Variants in ZDHHC14 observed in about 807,000 individuals in gnomAD.
ZDHHC14 encodes the protein palmitoyltransferase ZDHHC14.
ZDHHC14 carries 16 observed loss-of-function variants against 47.7 expected under a neutral mutation model. That is an observed-to-expected ratio of 0.34 (90% CI 0.23 to 0.51). The LOEUF is 0.51. Among genes scored for constraint, ZDHHC14 ranks in the 20% least tolerant of loss-of-function variants. ZDHHC14 has a pLI of 0.97. For synonymous variants in ZDHHC14, 293 were observed against 278.9 expected (o/e 1.05, Z -0.50); for missense variants, 515 against 662.5 (o/e 0.78, Z 2.44).
chr6:157,486,645 G>A (rs1779785078), intron 1 of ZDHHC14, among the ~76,000 whole-genome samples: 1 of 152,176 alleles, frequency 6.6e-6, no homozygotes, highest in East Asian at 1.9e-4. Context: ...CCTGTGAACA[G>A]GGTGGCAGAG....
At chr6:157,465,105 C>CTTTTTT (rs772080368) in intron 1 of ZDHHC14, among the ~76,000 whole-genome samples, 1 of 102,010 alleles carries the variant, frequency 9.8e-6, no homozygotes, top group Non-Finnish European at 1.9e-5. Flanking sequence ...TCTCTTTCTC[C>CTTTTTT]TTTTTTTTTT....
chr6:157,621,219 T>A (rs957716532), intron 3 of ZDHHC14, among the ~76,000 whole-genome samples: 1 of 152,172 alleles, frequency 6.6e-6, no homozygotes. Flanking sequence ...ATTGCATAAT[T>A]TTATGAATTA....
chr6:157,488,751 T>C (rs1779840108), intron 1 of ZDHHC14, among the ~76,000 whole-genome samples: 1 of 152,214 alleles, frequency 6.6e-6, no homozygotes, highest in African/African-American at 2.4e-5. Flanking sequence ...GTAGGGCTGA[T>C]TGGACCTCAC....
chr6:157,541,804 A>G (rs1297498067), intron 1 of ZDHHC14, among the ~76,000 whole-genome samples: 1 of 152,116 alleles, frequency 6.6e-6, no homozygotes, highest in East Asian at 1.9e-4. Context: ...TGTAGAGTTT[A>G]GTCTGTCCCA....
intron 1 of ZDHHC14, among the ~76,000 whole-genome samples, chr6:157,528,392 G>A (rs1274172083): frequency 2.0e-5 from 3 of 152,118 alleles, no homozygotes; most frequent in Non-Finnish European, 4.4e-5. Context: ...AAAAGCACAA[G>A]TAGATGAAGA....
intron 1 of ZDHHC14, among the ~76,000 whole-genome samples, chr6:157,465,304 T>C (rs933062103): frequency 6.6e-6 from 1 of 152,136 alleles, no homozygotes; most frequent in Non-Finnish European, 1.5e-5. Flanking sequence ...AGGTGCCTAC[T>C]CTGAAACTAA....
chr6:157,419,365 A>G (rs1778051730), intron 1 of ZDHHC14, among the ~76,000 whole-genome samples: 1 of 152,248 alleles, frequency 6.6e-6, no homozygotes, highest in Non-Finnish European at 1.5e-5. Flanking sequence ...CATATCAGAA[A>G]GGCTATTTTG....
At chr6:157,547,130 G>C (rs549656978) in intron 2 of ZDHHC14, among the ~76,000 whole-genome samples, 1 of 152,206 alleles carries the variant, frequency 6.6e-6, no homozygotes, top group African/African-American at 2.4e-5. Flanking sequence ...TGTTGCTGAC[G>C]AGGTAGAATG....
intron 1 of ZDHHC14, among the ~76,000 whole-genome samples, chr6:157,540,908 GTGTATATA>G (rs1781726928): frequency 7.6e-6 from 1 of 131,536 alleles, no homozygotes; most frequent in African/African-American, 3.8e-5. Flanking sequence ...GTGTGTGTGT[GTGTATATA>G]TATATATATA....
intron 1 of ZDHHC14, among the ~76,000 whole-genome samples, chr6:157,484,306 C>CATAT (rs1042050871): frequency 1.3e-4 from 12 of 90,180 alleles, no homozygotes; most frequent in Non-Finnish European, 1.6e-4. Context: ...TATATATATA[C>CATAT]ATATATATAC....
chr6:157,439,722 C>A (rs1778524960), intron 1 of ZDHHC14, among the ~76,000 whole-genome samples: 1 of 152,118 alleles, frequency 6.6e-6, no homozygotes, highest in African/African-American at 2.4e-5. Context: ...ATATTCATTG[C>A]AGCACTATTC....
rs772117512 is a variant in ZDHHC14, at chr6:157,463,056, G to T, written c.246-79529G>T. On this transcript the variant is annotated intron_variant, in intron 1 of 8. Coordinates refer to ENST00000359775, the MANE Select transcript of ZDHHC14 (RefSeq NM_024630.3). The surrounding 1 kb of genome is among the most constrained non-coding windows in gnomAD (Gnocchi z 4.4). ...CTTTTCCAGAAAGATTCTTATGTCGGCTGAGTTCAAGTAGGTAGGTGCATG... is the reference window on the plus strand; with the variant it reads ...CTTTTCCAGAAAGATTCTTATGTCGTCTGAGTTCAAGTAGGTAGGTGCATG... Among the ~76,000 whole-genome samples, 1 of 152,206 alleles carries T rather than the reference G, an allele frequency of 6.6e-6. No individual in the cohort carries two copies. The highest frequency in any genetic ancestry group is 1.5e-5 in the Non-Finnish European group (1 of 68,040).
chr6:157,493,814 C>T (rs1202591982), intron 1 of ZDHHC14, among the ~76,000 whole-genome samples: 1 of 152,242 alleles, frequency 6.6e-6, no homozygotes, highest in Non-Finnish European at 1.5e-5. Context: ...TGACACAATC[C>T]CCGCCCTTGG....
chr6:157,664,160 A>G (rs1427517189), intron 8 of ZDHHC14, among the ~76,000 whole-genome samples: 1 of 152,060 alleles, frequency 6.6e-6, no homozygotes, highest in Non-Finnish European at 1.5e-5. Context: ...TTTTCCTTCA[A>G]TATCTCTCTC....
chr6:157,548,965 G>A (rs145427475), intron 2 of ZDHHC14, among the ~76,000 whole-genome samples: 5,950 of 152,314 alleles, frequency 0.039, 241 homozygotes, highest in African/African-American at 0.1. Flanking sequence ...GGATGTGGCC[G>A]CGGCATTTGC....
At chr6:157,386,121 C>T (rs548263384) in intron 1 of ZDHHC14, among the ~76,000 whole-genome samples, 2 of 152,240 alleles carry the variant, frequency 1.3e-5, no homozygotes, top group South Asian at 4.1e-4. Flanking sequence ...ACTCTGGTCA[C>T]CCTTTTCTGA....
chr6:157,585,534 A>G (rs1783660381), intron 2 of ZDHHC14, among the ~76,000 whole-genome samples: 1 of 152,156 alleles, frequency 6.6e-6, no homozygotes, highest in Admixed American at 6.5e-5. Flanking sequence ...GATGAGAGAA[A>G]GACTTCATGA....
chr6:157,518,161 C>T (rs1780770259), intron 1 of ZDHHC14, among the ~76,000 whole-genome samples: 1 of 152,088 alleles, frequency 6.6e-6, no homozygotes, highest in Non-Finnish European at 1.5e-5. Flanking sequence ...CAAAGACCAC[C>T]CACCTGCAGT....
At chr6:157,627,733 C>A (rs1785495275) in intron 3 of ZDHHC14, among the ~76,000 whole-genome samples, 1 of 152,244 alleles carries the variant, frequency 6.6e-6, no homozygotes, top group African/African-American at 2.4e-5. Context: ...CAGGCAGTCT[C>A]CCATCTCTGT....
Sources: gnomAD v4.1 joint callset for allele counts (sites outside exome capture counted in the v4.1 genomes callset) on GRCh38, gnomAD v4.1.1 for gene constraint, Gnocchi (gnomAD v3.1) non-coding constraint, MANE v1.5 for transcripts, NCBI Gene and HGNC (gene_info 2026-07-23, HGNC 2026-07-21) for gene names.